Variants in IQGAP2 observed in about 807,000 individuals in gnomAD.
The protein encoded by IQGAP2 is IQ motif containing GTPase activating protein 2.
IQGAP2 carries 173 observed loss-of-function variants against 201.3 expected under a neutral mutation model. The observed-to-expected ratio is 0.86, with a 90% CI of 0.76 to 0.98. The LOEUF is 0.98. IQGAP2 is among the 50% of genes least tolerant of loss of function. IQGAP2 has a pLI of 0.00. For synonymous variants in IQGAP2, 675 were observed against 673.9 expected (o/e 1.00, Z -0.03); for missense variants, 1,687 against 1,864.8 (o/e 0.90, Z 1.76).
intron 2 of IQGAP2, among the ~76,000 whole-genome samples, chr5:76,519,198 C>T (rs1410656693): frequency 6.6e-6 from 1 of 152,172 alleles, no homozygotes; most frequent in Non-Finnish European, 1.5e-5. Flanking sequence ...AAAAGTAGCC[C>T]TTGTGCTACT....
intron 2 of IQGAP2, among the ~76,000 whole-genome samples, chr5:76,553,671 T>A (rs1743715567): frequency 6.6e-6 from 1 of 152,212 alleles, no homozygotes; most frequent in Non-Finnish European, 1.5e-5. Context: ...TTTGAAAGAT[T>A]TCTCCTTTCT....
chr5:76,541,679 A>G (rs907074263), intron 2 of IQGAP2, among the ~76,000 whole-genome samples: 1 of 152,146 alleles, frequency 6.6e-6, no homozygotes, highest in African/African-American at 2.4e-5. Context: ...CATCATCCTC[A>G]CCATCATTTG....
intron 2 of IQGAP2, among the ~76,000 whole-genome samples, chr5:76,549,278 A>G: frequency 6.6e-6 from 1 of 151,786 alleles, no homozygotes; most frequent in Admixed American, 6.6e-5. Context: ...CGTAACTGGT[A>G]AGTGGCAGAG....
chr5:76,689,230 T>TAAAAAAAAAAAAAAAA lies in IQGAP2; in HGVS notation c.3906-4114_3906-4099dup, dbSNP rs11424254. ...TAATACTACCAAGCACAGGGATATT[T>TAAAAAAAAAAAAAAAA]AAAAAAAAAAAAAAAAAAAAAAAAA... On this transcript the variant is annotated intron_variant, in intron 30 of 35. Coordinates refer to ENST00000274364, the MANE Select transcript of IQGAP2 (RefSeq NM_006633.5). Among the ~76,000 whole-genome samples, 8 of 86,488 alleles carry TAAAAAAAAAAAAAAAA rather than the reference T, an allele frequency of 9.2e-5. 1 individual carries two copies. The highest frequency in any genetic ancestry group is 3.8e-4 in the African/African-American group (8 of 21,134). 56.7% of individuals were successfully genotyped at this position (86,488 alleles called of 152,430 possible).
intron 34 of IQGAP2, 140 bp downstream of exon 34, chr5:76,701,353 C>T: frequency 5.1e-6 from 4 of 778,214 alleles, no homozygotes; most frequent in Non-Finnish European, 4.3e-6. Context: ...ATTGTTATGG[C>T]TACTCTTCCC....
rs373370094 is a variant in IQGAP2 at position 76,562,476 on chromosome 5, C to G, written c.227C>G (p.Ala76Gly). 1 of 1,613,848 alleles carries G rather than the reference C, an allele frequency of 6.2e-7. No homozygotes were observed. Among genetic ancestry groups the G allele is most frequent in the South Asian group, 1.1e-5 (1 of 91,062 alleles). ...GGGCTCCGGAATGGAGTTTACCTTG[C>G]AAAGTTAGCCAAGTTCTTTGCCCCG... ...EEGLRNGVYL[A>G]KLAKFFAPKM... Residue 76 changes from alanine (A) to glycine (G), a missense_variant, in exon 3 of 36, where the codon GCA (alanine) becomes GGA (glycine). Transcript: ENST00000274364.
In IQGAP2 at chr5:76,707,246, T is replaced by G; in HGVS notation, c.4661T>G (p.Phe1554Cys). Residue 1554 changes from phenylalanine to cysteine, a missense_variant, in exon 36 of 36, where the codon TTT (phenylalanine) becomes TGT (cysteine). Phe to Cys is a radical substitution (Grantham distance 205). Transcript: ENST00000274364. ...QYEGVAVMKM[F>C]DKVKVNVNLL... ...GAAGGAGTAGCTGTAATGAAAATGT[T>G]TGATAAGGTTAAAGTGAATGTAAAC... 1 of 1,582,586 alleles carries G rather than the reference T, an allele frequency of 6.3e-7. No individual in the cohort carries two copies. Among genetic ancestry groups the G allele is most frequent in the Non-Finnish European group, 8.7e-7 (1 of 1,151,448 alleles).
intron 2 of IQGAP2, among the ~76,000 whole-genome samples, chr5:76,507,585 T>C (rs972342383): frequency 6.6e-6 from 1 of 152,174 alleles, no homozygotes; most frequent in Non-Finnish European, 1.5e-5. Flanking sequence ...AAAGGCCATG[T>C]CAAGAGAATG....
intron 1 of IQGAP2, among the ~76,000 whole-genome samples, chr5:76,434,906 G>A (rs539696070): frequency 6.6e-6 from 1 of 152,198 alleles, no homozygotes; most frequent in Non-Finnish European, 1.5e-5. Flanking sequence ...TTTGGCTGGA[G>A]TAAGGTGGTA....
chr5:76,662,325 C>T (rs1743327975), intron 21 of IQGAP2, among the ~76,000 whole-genome samples: 1 of 152,164 alleles, frequency 6.6e-6, no homozygotes, highest in Non-Finnish European at 1.5e-5. Flanking sequence ...CCATTCCTCT[C>T]ATTATCCTGC....
intron 33 of IQGAP2, among the ~76,000 whole-genome samples, chr5:76,699,102 C>T (rs889349588): frequency 1.3e-5 from 2 of 152,114 alleles, no homozygotes; most frequent in Non-Finnish European, 2.9e-5. Context: ...GATTTCATAT[C>T]CTTTGACCAT....
rs114855698 is a variant in IQGAP2, at chr5:76,476,279, T to C, written c.146+14610T>C. Among the ~76,000 whole-genome samples, 306 of 151,610 alleles carry C rather than the reference T, an allele frequency of 2.0e-3. 1 individual carries two copies. Among genetic ancestry groups the C allele is most frequent in the African/African-American group, 7.2e-3 (299 of 41,280 alleles). On this transcript the variant is annotated intron_variant, in intron 2 of 35. Transcript: ENST00000274364. ...GGCAAGAAAGGAAAAGTCCTGGAGGTCAAGAAATGAGTGGCAAGGTTAGGG... is the reference window on the plus strand; with the variant it reads ...GGCAAGAAAGGAAAAGTCCTGGAGGCCAAGAAATGAGTGGCAAGGTTAGGG...
At chr5:76,627,092 G>A (rs1288203217) in intron 13 of IQGAP2, among the ~76,000 whole-genome samples, 1 of 152,136 alleles carries the variant, frequency 6.6e-6, no homozygotes, top group African/African-American at 2.4e-5. Flanking sequence ...CTATTTTGAA[G>A]GGATCCTCTG....
chr5:76,654,136 G>T, intron 18 of IQGAP2, 64 bp from the exon 19 acceptor site: 1 of 1,090,470 alleles, frequency 9.2e-7, no homozygotes, highest in Non-Finnish European at 1.4e-6. Context: ...CGGGTTGTTT[G>T]GTGATTACTT....
At chr5:76,492,735 A>G (rs1756634125) in intron 2 of IQGAP2, among the ~76,000 whole-genome samples, 1 of 152,188 alleles carries the variant, frequency 6.6e-6, no homozygotes, top group East Asian at 1.9e-4. Context: ...CTTTTGCAGT[A>G]GTCTAGGCAG....
intron 5 of IQGAP2, among the ~76,000 whole-genome samples, chr5:76,576,877 G>T (rs1243886430): frequency 6.6e-6 from 1 of 152,154 alleles, no homozygotes; most frequent in East Asian, 1.9e-4. Context: ...CCTACTTCAT[G>T]CTGCCTTCTC....
intron 5 of IQGAP2, among the ~76,000 whole-genome samples, chr5:76,587,704 G>A (rs1395849428): frequency 6.6e-6 from 1 of 152,050 alleles, no homozygotes; most frequent in Non-Finnish European, 1.5e-5. Flanking sequence ...TATAATTCCA[G>A]CACTTTGGGT....
chr5:76,571,587 A>T (rs1745122225), intron 4 of IQGAP2, among the ~76,000 whole-genome samples: 1 of 152,250 alleles, frequency 6.6e-6, no homozygotes, highest in Non-Finnish European at 1.5e-5. Context: ...CTCAGCAAAC[A>T]TTCAGTGCTT....
intron 1 of IQGAP2, among the ~76,000 whole-genome samples, chr5:76,452,224 T>C (rs1414218217): frequency 6.6e-6 from 1 of 150,742 alleles, no homozygotes; most frequent in Non-Finnish European, 1.5e-5. Context: ...CCTTGTTTTT[T>C]TCTTTTCTTT....
Sources: gnomAD v4.1 joint callset for allele counts (sites outside exome capture counted in the v4.1 genomes callset) on GRCh38, gnomAD v4.1.1 for gene constraint, MANE v1.5 for transcripts, NCBI Gene and HGNC (gene_info 2026-07-23, HGNC 2026-07-21) for gene names.